BAIAP2L2: variants seen among roughly 807,000 people sequenced by gnomAD.
BAIAP2L2 encodes the protein BAR/IMD domain containing adaptor protein 2 like 2.
BAIAP2L2 carries 65 observed loss-of-function variants against 60.4 expected under a neutral mutation model. The ratio of observed to expected loss-of-function variants is 1.08; its 90% CI spans 0.88 to 1.32. The LOEUF (loss-of-function observed/expected upper bound fraction) is 1.32. Ranked by LOEUF, BAIAP2L2 falls within the 40% of genes most tolerant of loss-of-function variation. The pLI is 0.00. For synonymous variants in BAIAP2L2, 344 were observed against 301.7 expected (o/e 1.14, Z -1.45); for missense variants, 836 against 741.2 (o/e 1.13, Z -1.48).
chr22:38,093,089 C>G (rs975054393), intron 7 of BAIAP2L2, among the ~76,000 whole-genome samples: 3 of 152,096 alleles, frequency 2.0e-5, no homozygotes, highest in Non-Finnish European at 4.4e-5. Context: ...TCGCTTGAAC[C>G]CAGGAGGTGG....
chr22:38,096,646 ACT>A (rs1285422050), intron 7 of BAIAP2L2, among the ~76,000 whole-genome samples: 1 of 152,164 alleles, frequency 6.6e-6, no homozygotes, highest in Non-Finnish European at 1.5e-5. Flanking sequence ...CAAGAGTGAA[ACT>A]CTGTCTCAAA....
Position 38,110,662 on chromosome 22 carries a change from G to C in BAIAP2L2, c.-137C>G, listed in dbSNP as rs539233877. 1 of 643,902 alleles carries C rather than the reference G, an allele frequency of 1.6e-6. No individual in the cohort carries two copies. The highest frequency in any genetic ancestry group is 3.0e-5 in the Admixed American group (1 of 32,794). 39.9% of individuals were successfully genotyped at this position (643,902 alleles called of 1,614,324 possible). ...AGCCTCGGAGAGGGACCTGGAGATG[G>C]AGGCCTGCCTCAGAGGAGTGGCAGC... On this transcript the variant is annotated 5_prime_UTR_variant, in exon 1 of 14. Transcript: ENST00000381669.
rs2086697948 is a variant in BAIAP2L2, at chr22:38,107,886, G to A, written c.242C>T (p.Thr81Ile). 1.2e-6 allele frequency: 2 copies of A among 1,613,418 alleles called. No homozygotes were observed. Among genetic ancestry groups the A allele is most frequent in the Non-Finnish European group, 1.7e-6 (2 of 1,179,962 alleles). Residue 81 changes from threonine to isoleucine, a missense_variant, in exon 4 of 14, where the codon ACC becomes ATC. Physicochemically the swap from Thr to Ile is moderately conservative, Grantham distance 89. Transcript: ENST00000381669. ...LGEILVQMSD[T>I]QRHLNSDLEV... Reference sequence around the variant, plus strand: ...CAGGTCAGAGTTCAAGTGCCGCTGGGTGTCAGACATCTGCACCAAGATCTC... The same window carrying A: ...CAGGTCAGAGTTCAAGTGCCGCTGGATGTCAGACATCTGCACCAAGATCTC...
chr22:38,100,526 CAATAAATAAATAAATAAATAAATA>C lies in BAIAP2L2; in HGVS notation c.277-2068_277-2045del, dbSNP rs56224721. Among the ~76,000 whole-genome samples the C allele has an allele frequency of 1.9e-4, 26 of 140,044 alleles. 1 individual carries two copies. Among genetic ancestry groups the C allele is most frequent in the Admixed American group, 1.1e-3 (15 of 13,948 alleles). The allele number at this position is 140,044 out of a possible 152,430, so 91.9% of individuals were successfully genotyped here. Reference sequence around the variant, plus strand: ...TGGGCAACAGAGTGGAACTCCGTCTCAATAAATAAATAAATAAATAAATAAATAAATAAATAAATAAATAAATAA... The same window carrying C: ...TGGGCAACAGAGTGGAACTCCGTCTCAATAAATAAATAAATAAATAAATAA... On this transcript the variant is annotated intron_variant, in intron 4 of 13. Coordinates refer to ENST00000381669, the MANE Select transcript of BAIAP2L2 (RefSeq NM_025045.6).
chr22:38,086,999 AAAAAAAAAAC>A, intron 11 of BAIAP2L2, 115 bp downstream of exon 11: 1 of 1,259,554 alleles, frequency 7.9e-7, no homozygotes, highest in Non-Finnish European at 1.0e-6. Flanking sequence ...CTGTCTCAAA[AAAAAAAAAAC>A]AAAACAAAAC....
intron 7 of BAIAP2L2, chr22:38,090,731 T>C (rs132928): frequency 0.42 from 64,584 of 152,104 alleles, 14,589 homozygotes; most frequent in South Asian, 0.57. Flanking sequence ...GTTAAGTGAC[T>C]GGCTCAAGGT....
chr22:38,087,226 T>A lies in BAIAP2L2; in HGVS notation c.1157A>T (p.Glu386Val), dbSNP rs768675307. The A allele has an allele frequency of 3.7e-6, 6 of 1,606,372 alleles. No individual in the cohort carries two copies. Among genetic ancestry groups the A allele is most frequent in the African/African-American group, 1.3e-5 (1 of 74,082 alleles). The change falls in exon 11 of 14, where the codon GAG (glutamate) becomes GTG (valine). Residue 386 changes from glutamate to valine, a missense_variant. Physicochemically the swap from Glu to Val is moderately radical, Grantham distance 121. Coordinates refer to ENST00000381669, the MANE Select transcript of BAIAP2L2 (RefSeq NM_025045.6). ...WFPEAYVKAL[E>V]EGPVNPMTPV... ...GGTCATGGGATTCACGGGCCCCTCC[T>A]CCAGAGCCTTCACGTACGCCTCGGG...
chr22:38,110,391 T>A lies in BAIAP2L2; in HGVS notation c.51+84A>T, dbSNP rs2086818508. On this transcript the variant is annotated intron_variant, in intron 1 of 13. Transcript: ENST00000381669. ...TTTCCAGGACATCTGTAGCCCCGGC[T>A]GGCCCTCCGTCCTCCAGAGCGGGCC... is the stretch of plus-strand genomic sequence containing the variant. 2.2e-6 allele frequency: 3 copies of A among 1,376,570 alleles called. No homozygotes were observed. The East Asian group carries it at 7.1e-5, about 33-fold the overall frequency. 85.3% of individuals were successfully genotyped at this position (1,376,570 alleles called of 1,614,324 possible).
rs552568504 is a variant in BAIAP2L2, at chr22:38,103,052, A to T, written c.277-4570T>A. Among the ~76,000 whole-genome samples, 19 of 133,970 alleles carry T rather than the reference A, an allele frequency of 1.4e-4. No homozygotes were observed. In the East Asian group the frequency reaches 3.3e-3, roughly 23 times the overall value. 87.9% of individuals were successfully genotyped at this position (133,970 alleles called of 152,430 possible). Reference sequence around the variant, plus strand: ...CAGAGTGACACTCCATCTCAAAATTAAAAAAAAAAAAAAATTAGCCAGGCA... The same window carrying T: ...CAGAGTGACACTCCATCTCAAAATTTAAAAAAAAAAAAAATTAGCCAGGCA... On this transcript the variant is annotated intron_variant, in intron 4 of 13. Transcript: ENST00000381669.
intron 7 of BAIAP2L2, among the ~76,000 whole-genome samples, chr22:38,094,912 G>C (rs1168396795): frequency 3.3e-5 from 5 of 152,166 alleles, no homozygotes; most frequent in African/African-American, 1.2e-4. Context: ...AGCACTTTGG[G>C]AGGCCGAGGC....
chr22:38,086,982 TGA>T, intron 11 of BAIAP2L2, 140 bp downstream of exon 11: 1 of 1,137,602 alleles, frequency 8.8e-7, no homozygotes, highest in East Asian at 3.2e-5. Flanking sequence ...GGTGACAGGG[TGA>T]GACTCTGTCT....
At position 38,096,977 on chromosome 22, in the gene BAIAP2L2, C is replaced by A. The variant is rs568372865; in HGVS notation, c.612+55G>T. ...AGGGAAACCTCTATGTACGGCCACT[C>A]AGGAGGGGGCAGCTCCTAGAAGCGC... On this transcript the variant is annotated intron_variant, in intron 7 of 13. Coordinates refer to ENST00000381669, the MANE Select transcript of BAIAP2L2 (RefSeq NM_025045.6). 7.1e-4 allele frequency: 1,114 copies of A among 1,562,388 alleles called. 10 individuals carry two copies. In the African/African-American group the frequency reaches 0.012, roughly 17 times the overall value.
intron 12 of BAIAP2L2, 35 bp downstream of exon 12, chr22:38,086,207 C>CG (rs2086061945): frequency 6.3e-7 from 1 of 1,594,788 alleles, no homozygotes; most frequent in Non-Finnish European, 8.5e-7. Flanking sequence ...TCCCTGCCCG[C>CG]TGGAGGCCCC....
rs762461084 is a variant in BAIAP2L2 at position 38,088,783 on chromosome 22, G to C, written c.1083C>G (p.Asn361Lys). Residue 361 changes from asparagine to lysine, a missense_variant, in exon 10 of 14, where the codon AAC becomes AAG. Coordinates refer to ENST00000381669, the MANE Select transcript of BAIAP2L2 (RefSeq NM_025045.6). Reference protein sequence around the residue: ...VVEVLVPEAQNGWLYGKLEGS... With the variant: ...VVEVLVPEAQKGWLYGKLEGS... Reference sequence around the variant, plus strand: ...CCTCCAGCTTGCCGTAGAGCCAGCCGTTCTGGGCCTCGGGCACCAACACCT... The same window carrying C: ...CCTCCAGCTTGCCGTAGAGCCAGCCCTTCTGGGCCTCGGGCACCAACACCT... The C allele has an allele frequency of 3.7e-6, 6 of 1,600,978 alleles. No individual in the cohort carries two copies. Among genetic ancestry groups the C allele is most frequent in the Non-Finnish European group, 4.2e-6 (5 of 1,179,582 alleles).
chr22:38,086,485 TG>T, intron 11 of BAIAP2L2, 36 bp from the exon 12 acceptor site: 1 of 1,448,070 alleles, frequency 6.9e-7, no homozygotes. Context: ...GGAAAGGGGT[TG>T]GGGCCTGTCC....
rs1320678171 is a variant in BAIAP2L2, at chr22:38,097,165, C to T, written c.479G>A (p.Arg160Gln). ...GAAGGCCTGCATCTGTGCGTGCAGCCGGTTCACACTCTCCTGGGGGGGAAC... is the reference window on the plus strand; with the variant it reads ...GAAGGCCTGCATCTGTGCGTGCAGCTGGTTCACACTCTCCTGGGGGGGAAC... Reference protein sequence around the residue: ...NVREMKESVNRLHAQMQAFVS... With the variant: ...NVREMKESVNQLHAQMQAFVS... Residue 160 changes from arginine to glutamine, a missense_variant, in exon 7 of 14, where the codon CGG (arginine) becomes CAG (glutamine). Arg to Gln is a conservative substitution (Grantham distance 43). Transcript: ENST00000381669. 4.3e-6 allele frequency: 7 copies of T among 1,613,568 alleles called. No homozygotes were observed. Among genetic ancestry groups the T allele is most frequent in the Non-Finnish European group, 5.1e-6 (6 of 1,179,936 alleles).
Position 38,087,193 on chromosome 22 carries a change from G to GGGTCACGGGGGTCATGGGAT in BAIAP2L2, c.1189_1190insATCCCATGACCCCCGTGACC (p.Thr397AsnfsTer10), listed in dbSNP as rs776821092. 1 of 1,600,854 alleles carries GGGTCACGGGGGTCATGGGAT rather than the reference G, an allele frequency of 6.2e-7. No homozygotes were observed. The highest frequency in any genetic ancestry group is 1.1e-5 in the South Asian group (1 of 89,060). ...CATGGAGGTCATGGAGGTCATGGGG[G>GGGTCACGGGGGTCATGGGAT]TCACGGGGGTCATGGGATTCACGGG... On this transcript the variant is annotated frameshift_variant, in exon 11 of 14. Coordinates refer to ENST00000381669, the MANE Select transcript of BAIAP2L2 (RefSeq NM_025045.6). LOFTEE classifies it high-confidence loss of function.
intron 7 of BAIAP2L2, among the ~76,000 whole-genome samples, chr22:38,096,817 A>G (rs943098743): frequency 5.3e-5 from 8 of 152,216 alleles, no homozygotes; most frequent in African/African-American, 7.2e-5. Flanking sequence ...AAAACAAACA[A>G]TATCACGAGT....
At chr22:38,098,329 G>C in intron 5 of BAIAP2L2, 82 bp downstream of exon 5, 1 of 1,456,766 alleles carries the variant, frequency 6.9e-7, no homozygotes, top group Middle Eastern at 1.7e-4. Flanking sequence ...CTCAGCACTG[G>C]CCTGTGTGTG....
Sources: gnomAD v4.1 joint callset for allele counts (sites outside exome capture counted in the v4.1 genomes callset) on GRCh38, gnomAD v4.1.1 for gene constraint, MANE v1.5 for transcripts, NCBI Gene and HGNC (gene_info 2026-07-23, HGNC 2026-07-21) for gene names.